Variants in CLDN16 observed in about 807,000 individuals in gnomAD.
The protein encoded by CLDN16 is claudin 16.
In CLDN16, 13 loss-of-function variants were observed where a neutral mutation model predicts 24.6. That is an observed-to-expected ratio of 0.53 (90% CI 0.34 to 0.84). The LOEUF (loss-of-function observed/expected upper bound fraction) is 0.84. Ranked by LOEUF, CLDN16 falls within the 40% of genes least tolerant of loss-of-function variation. The probability of loss-of-function intolerance (pLI) is 0.01; values close to 1 mark genes in which losing one functional copy is unlikely to be tolerated. For synonymous variants in CLDN16, 116 were observed against 106.7 expected, an observed-to-expected ratio of 1.09 and a Z score of -0.54; for missense variants, 298 against 292.7, an observed-to-expected ratio of 1.02 and a Z score of -0.13.
chr3:190,326,755 C>A (rs752393181), intron 1 of CLDN16, among the ~76,000 whole-genome samples: 1 of 152,178 alleles, frequency 6.6e-6, no homozygotes, highest in Admixed American at 6.5e-5. Context: ...GCAGGTCCAT[C>A]TCTTCAGAGA....
intron 1 of CLDN16, among the ~76,000 whole-genome samples, chr3:190,346,964 C>G (rs535856998): frequency 6.6e-6 from 1 of 152,140 alleles, no homozygotes; most frequent in African/African-American, 2.4e-5. Context: ...TAAGTTCACA[C>G]GCCGAGGTTT....
chr3:190,313,078 C>A, the CLDN16 span: 5 of 1,611,232 alleles, frequency 3.1e-6, no homozygotes, highest in Non-Finnish European at 4.2e-6. Flanking sequence ...TATGCTTGGA[C>A]CAACAAGAGA....
At chr3:190,343,011 A>C (rs1717471631) in intron 1 of CLDN16, among the ~76,000 whole-genome samples, 1 of 152,194 alleles carries the variant, frequency 6.6e-6, no homozygotes, top group East Asian at 1.9e-4. Context: ...ACAATCAACA[A>C]AATGAAAAGA....
At chr3:190,409,875 T>C in intron 4 of CLDN16, 28 bp from the exon 5 acceptor site, 3 of 1,609,336 alleles carry the variant, frequency 1.9e-6, no homozygotes, top group Non-Finnish European at 2.6e-6. Flanking sequence ...CACTGAGTTC[T>C]ACTTATTTTT....
At chr3:190,362,676 A>G (rs905799815) in intron 1 of CLDN16, among the ~76,000 whole-genome samples, 16 of 151,958 alleles carry the variant, frequency 1.1e-4, no homozygotes, top group African/African-American at 3.6e-4. Context: ...TTTGAAGAAT[A>G]TTTTCAGTAA....
At chr3:190,340,646 T>C (rs112219612) in intron 1 of CLDN16, among the ~76,000 whole-genome samples, 5,959 of 152,210 alleles carry the variant, frequency 0.039, 392 homozygotes, top group African/African-American at 0.13. Flanking sequence ...TAGCGACTCC[T>C]AATCTTGTTC....
chr3:190,314,466 C>G, the CLDN16 span, among the ~76,000 whole-genome samples: 1 of 152,076 alleles, frequency 6.6e-6, no homozygotes. Context: ...GCGATATGGG[C>G]TCACTGCAAC....
intron 1 of CLDN16, among the ~76,000 whole-genome samples, chr3:190,339,426 G>A (rs1016219369): frequency 6.6e-6 from 1 of 152,224 alleles, no homozygotes; most frequent in Non-Finnish European, 1.5e-5. Context: ...GCAGAAGCAA[G>A]CAGGGAGTGA....
At chr3:190,296,904 A>G in the CLDN16 span, among the ~76,000 whole-genome samples, 1 of 152,162 alleles carries the variant, frequency 6.6e-6, no homozygotes, top group African/African-American at 2.4e-5. Flanking sequence ...CAGTAGAGTG[A>G]TAAGATAATT....
the CLDN16 span, among the ~76,000 whole-genome samples, chr3:190,317,534 T>C: frequency 1.5e-4 from 23 of 152,360 alleles, no homozygotes; most frequent in African/African-American, 5.5e-4. Flanking sequence ...GTAATTTTTC[T>C]AAAGCTTGAA....
chr3:190,401,946 T>C (rs78953853), intron 1 of CLDN16, among the ~76,000 whole-genome samples: 15,506 of 151,964 alleles, frequency 0.1, 957 homozygotes, highest in Non-Finnish European at 0.14. Context: ...AGTTATCATC[T>C]ATTGTTATAT....
intron 1 of CLDN16, among the ~76,000 whole-genome samples, chr3:190,338,570 G>T (rs1450623093): frequency 5.3e-5 from 8 of 152,206 alleles, no homozygotes; most frequent in African/African-American, 1.9e-4. Flanking sequence ...AGGGATGAGT[G>T]TCTGAGACAT....
At chr3:190,339,088 A>T (rs1218485927) in intron 1 of CLDN16, among the ~76,000 whole-genome samples, 1 of 152,168 alleles carries the variant, frequency 6.6e-6, no homozygotes, top group African/African-American at 2.4e-5. Context: ...TCTGATTATA[A>T]TCTATGTTCT....
At chr3:190,347,126 T>C (rs1382397867) in intron 1 of CLDN16, among the ~76,000 whole-genome samples, 1 of 152,104 alleles carries the variant, frequency 6.6e-6, no homozygotes, top group East Asian at 1.9e-4. Flanking sequence ...GTCACAAAGC[T>C]AATATGTGGC....
intron 1 of CLDN16, among the ~76,000 whole-genome samples, chr3:190,328,653 A>G (rs1313473461): frequency 6.6e-6 from 1 of 151,758 alleles, no homozygotes; most frequent in East Asian, 1.9e-4. Context: ...TCCCAGCTAC[A>G]TAAGGGAGAG....
At chr3:190,328,384 GTTAA>G (rs1396240667) in intron 1 of CLDN16, among the ~76,000 whole-genome samples, 1 of 152,274 alleles carries the variant, frequency 6.6e-6, no homozygotes, top group East Asian at 1.9e-4. Context: ...TGTTAGGCAA[GTTAA>G]TTAATCTTTC....
intron 1 of CLDN16, among the ~76,000 whole-genome samples, chr3:190,347,234 T>C (rs1054451205): frequency 6.6e-6 from 1 of 152,168 alleles, no homozygotes; most frequent in African/African-American, 2.4e-5. Context: ...TGATAAATAT[T>C]TTTAGAGTAG....
At position 190,408,452 on chromosome 3, in the gene CLDN16, TG is replaced by T; in HGVS notation, c.524del (p.Gly175ValfsTer29). 6.2e-7 allele frequency: 1 copy of T among 1,614,164 alleles called. No homozygotes were observed. The highest frequency in any genetic ancestry group is 8.5e-7 in the Non-Finnish European group (1 of 1,180,028). On this transcript the variant is annotated frameshift_variant, in exon 4 of 5. Transcript: ENST00000264734. LOFTEE classifies it high-confidence loss of function. ...TGTTGGCTCGGAATGGCTGGGTCTC[TG>T]GGTTGCTTTTTGGCTGGAGCTGTTC... ...WSCWLGMAGS[L>X]GCFLAGAVLT...
intron 1 of CLDN16, among the ~76,000 whole-genome samples, chr3:190,358,101 A>G (rs1322102409): frequency 6.6e-6 from 1 of 151,970 alleles, no homozygotes; most frequent in East Asian, 1.9e-4. Context: ...ACGAAAAAAA[A>G]GAAAAGAATC....
Sources: allele counts gnomAD v4.1 joint callset (sites outside exome capture counted in the v4.1 genomes callset), GRCh38; gene constraint gnomAD v4.1.1; transcripts MANE v1.5; gene names NCBI Gene and HGNC (gene_info 2026-07-23, HGNC 2026-07-21).